ASCC3: variants seen among roughly 807,000 people sequenced by gnomAD.
The protein encoded by ASCC3 is ASC-1 complex subunit P200.
ASCC3 carries 158 observed loss-of-function variants against 256.3 expected under a neutral mutation model. The observed-to-expected ratio is 0.62, with a 90% CI of 0.54 to 0.70. The LOEUF is 0.70. Among genes scored for constraint, ASCC3 ranks in the 30% least tolerant of loss-of-function variants. ASCC3 has a pLI of 0.00. For missense variants in ASCC3, 2,259 were observed against 2,626.0 expected, an observed-to-expected ratio of 0.86 and a Z score of 3.05; for synonymous variants, 948 against 883.4, an observed-to-expected ratio of 1.07 and a Z score of -1.30.
chr6:100,745,334 A>C (rs1231107523), intron 10 of ASCC3, among the ~76,000 whole-genome samples: 7 of 151,946 alleles, frequency 4.6e-5, no homozygotes, highest in Non-Finnish European at 1.0e-4. Flanking sequence ...CTCAAAAAAA[A>C]AAAATTAGCC....
chr6:100,689,313 C>A (rs1777728138), intron 13 of ASCC3, among the ~76,000 whole-genome samples: 1 of 152,186 alleles, frequency 6.6e-6, no homozygotes, highest in South Asian at 2.1e-4. Context: ...CGTTATCTTA[C>A]TGTTAACCAC....
intron 30 of ASCC3, among the ~76,000 whole-genome samples, chr6:100,614,832 T>C (rs1465804428): frequency 1.3e-5 from 2 of 152,118 alleles, no homozygotes; most frequent in Non-Finnish European, 2.9e-5. Flanking sequence ...ATGCAGATGA[T>C]TTATAAATCT....
intron 37 of ASCC3, among the ~76,000 whole-genome samples, chr6:100,527,130 A>G (rs1025519633): frequency 6.6e-6 from 1 of 152,168 alleles, no homozygotes; most frequent in African/African-American, 2.4e-5. Context: ...GTTATAGTTG[A>G]TAAGTTTCCA....
intron 37 of ASCC3, among the ~76,000 whole-genome samples, chr6:100,532,398 ATATATATATTTTT>A (rs1562098524): frequency 4.3e-5 from 2 of 46,396 alleles, no homozygotes; most frequent in African/African-American, 1.8e-4. Flanking sequence ...ATATATATAT[ATATATATATTTTT>A]TTTTTTTTTT....
At chr6:100,790,907 G>A (rs966186611) in intron 8 of ASCC3, among the ~76,000 whole-genome samples, 8 of 151,856 alleles carry the variant, frequency 5.3e-5, no homozygotes, top group South Asian at 4.2e-4. Flanking sequence ...TAGACTATAC[G>A]GTACTGCAAT....
chr6:100,862,671 T>C (rs1773283042), intron 3 of ASCC3, among the ~76,000 whole-genome samples: 1 of 152,174 alleles, frequency 6.6e-6, no homozygotes, highest in Admixed American at 6.5e-5. Flanking sequence ...GGTTCTAGTA[T>C]AAGCACTGGC....
chr6:100,599,250 C>T (rs1772469173), intron 34 of ASCC3, among the ~76,000 whole-genome samples: 1 of 152,082 alleles, frequency 6.6e-6, no homozygotes, highest in African/African-American at 2.4e-5. Context: ...GAGAAGAACA[C>T]AATATCATTT....
At chr6:100,624,665 G>C (rs76740653) in intron 30 of ASCC3, among the ~76,000 whole-genome samples, 2,337 of 151,906 alleles carry the variant, frequency 0.015, 24 homozygotes, top group East Asian at 0.045. Flanking sequence ...ATTTTAAACA[G>C]AGAAAAATCT....
At chr6:100,778,522 T>C (rs570853478) in intron 8 of ASCC3, among the ~76,000 whole-genome samples, 2 of 152,234 alleles carry the variant, frequency 1.3e-5, no homozygotes, top group South Asian at 4.1e-4. Context: ...AGAAATCTTC[T>C]TTTTGTCAAT....
chr6:100,714,103 G>A (rs1778985206), intron 13 of ASCC3, among the ~76,000 whole-genome samples: 2 of 152,076 alleles, frequency 1.3e-5, no homozygotes, highest in South Asian at 4.1e-4. Context: ...AGTTTTATTG[G>A]AACACAGTTG....
At position 100,627,682 on chromosome 6, in the gene ASCC3, A is replaced by T. The variant is rs752160003; in HGVS notation, c.4550T>A (p.Val1517Glu). Residue 1517 changes from valine (V) to glutamate (E), a missense_variant, in exon 29 of 42, where the codon GTA becomes GAA. Transcript: ENST00000369162. ...GTGAACTTCCAGTGGAACTGGGCGT[A>T]CTGATGGTCGGAAGTTAAACAAGCC... is the stretch of plus-strand genomic sequence containing the variant. Reference protein sequence around the residue: ...QMGLFNFRPSVRPVPLEVHIQ... With the variant: ...QMGLFNFRPSERPVPLEVHIQ... 2 of 1,613,668 alleles carry T rather than the reference A, an allele frequency of 1.2e-6. No individual in the cohort carries two copies. The highest frequency in any genetic ancestry group is 1.7e-6 in the Non-Finnish European group (2 of 1,179,784).
chr6:100,514,960 A>T (rs1288722360), intron 39 of ASCC3, among the ~76,000 whole-genome samples: 3 of 152,190 alleles, frequency 2.0e-5, no homozygotes, highest in Admixed American at 1.3e-4. Context: ...CCGGCACCAG[A>T]TTGCTCTGCA....
At chr6:100,548,452 T>C (rs1173558782) in intron 36 of ASCC3, among the ~76,000 whole-genome samples, 1 of 151,918 alleles carries the variant, frequency 6.6e-6, no homozygotes, top group African/African-American at 2.4e-5. Context: ...ATTTAGACTA[T>C]ATTAATAGGA....
chr6:100,823,380 C>T lies in ASCC3; in HGVS notation c.802-17500G>A, dbSNP rs893740172. ...AAAACAGCGAGGAAGAAGTTAGCTG[C>T]GGGTATAGAAACAGACTTCTACTAA... On this transcript the variant is annotated intron_variant, in intron 4 of 41. Transcript: ENST00000369162. Among the ~76,000 whole-genome samples the T allele has an allele frequency of 4.6e-5, 7 of 152,202 alleles. No individual in the cohort carries two copies. In the East Asian group the frequency reaches 7.7e-4, roughly 17 times the overall value.
At chr6:100,711,800 C>G (rs760327243) in intron 13 of ASCC3, among the ~76,000 whole-genome samples, 60 of 152,076 alleles carry the variant, frequency 3.9e-4, no homozygotes, top group Admixed American at 2.5e-3. Flanking sequence ...AATGCCACCA[C>G]AATTAAAAAT....
chr6:100,527,740 C>A (rs527936006), intron 37 of ASCC3, among the ~76,000 whole-genome samples: 42 of 152,148 alleles, frequency 2.8e-4, no homozygotes, highest in African/African-American at 1.0e-3. Flanking sequence ...ATGAAAAATA[C>A]CCACATCGTT....
chr6:100,607,649 T>C (rs1772969717), intron 30 of ASCC3, among the ~76,000 whole-genome samples: 1 of 152,060 alleles, frequency 6.6e-6, no homozygotes, highest in African/African-American at 2.4e-5. Context: ...CATTTAATTT[T>C]CCCTAAAGCC....
intron 25 of ASCC3, among the ~76,000 whole-genome samples, chr6:100,633,567 A>G (rs922376369): frequency 2.6e-5 from 4 of 152,064 alleles, no homozygotes; most frequent in African/African-American, 9.7e-5. Flanking sequence ...GAAGGAAATC[A>G]TAAGAAATTT....
chr6:100,822,062 T>G (rs925042962), intron 4 of ASCC3, among the ~76,000 whole-genome samples: 20 of 152,140 alleles, frequency 1.3e-4, no homozygotes, highest in Non-Finnish European at 2.5e-4. Flanking sequence ...AGATTTCTTT[T>G]TGAGGTGATG....
Sources: allele counts gnomAD v4.1 joint callset (sites outside exome capture counted in the v4.1 genomes callset), GRCh38; gene constraint gnomAD v4.1.1; transcripts MANE v1.5; gene names NCBI Gene and HGNC (gene_info 2026-07-23, HGNC 2026-07-21).